PRICKLE1: variants seen among roughly 807,000 people sequenced by gnomAD.
PRICKLE1 encodes prickle planar cell polarity protein 1, also known as prickle-like protein 1.
In PRICKLE1, 14 loss-of-function variants were observed where a neutral mutation model predicts 70.2. The ratio of observed to expected loss-of-function variants is 0.20; its 90% CI spans 0.13 to 0.31. PRICKLE1 has a LOEUF of 0.31. PRICKLE1 is among the 10% of genes least tolerant of loss of function. The pLI is 1.00. For synonymous variants in PRICKLE1, 357 were observed against 379.9 expected (o/e 0.94, Z 0.70); for missense variants, 821 against 1,026.2 (o/e 0.80, Z 2.73).
At chr12:42,552,927 G>A (rs1043822828) in intron 1 of PRICKLE1, among the ~76,000 whole-genome samples, 2 of 152,254 alleles carry the variant, frequency 1.3e-5, no homozygotes, top group East Asian at 1.9e-4. Flanking sequence ...CCTCTCCTGC[G>A]CGGTTCACAA....
chr12:42,522,805 A>T (rs1414496542), intron 1 of PRICKLE1, among the ~76,000 whole-genome samples: 2 of 152,206 alleles, frequency 1.3e-5, no homozygotes, highest in African/African-American at 4.8e-5. Context: ...AAGTGGATAT[A>T]TTACATAAAT....
chr12:42,575,697 A>C (rs1940793711), intron 1 of PRICKLE1, among the ~76,000 whole-genome samples: 1 of 152,120 alleles, frequency 6.6e-6, no homozygotes, highest in South Asian at 2.1e-4. Flanking sequence ...CCATCTCAAA[A>C]AAAAATAAAA....
At chr12:42,548,331 G>A (rs531841730) in intron 1 of PRICKLE1, among the ~76,000 whole-genome samples, 2 of 152,264 alleles carry the variant, frequency 1.3e-5, no homozygotes, top group Admixed American at 6.5e-5. Context: ...AATTAGGGAT[G>A]CTCAACCTGT....
At chr12:42,585,481 C>A (rs964556468) in intron 1 of PRICKLE1, among the ~76,000 whole-genome samples, 1 of 152,052 alleles carries the variant, frequency 6.6e-6, no homozygotes, top group Non-Finnish European at 1.5e-5. Context: ...CCCTCCCCAC[C>A]CCCCACAACT....
rs1939538663 is a variant in PRICKLE1, at chr12:42,512,794, A to G, written c.-48-40230T>C. ...TGCCTCAGCCTCCCAAGCAGCTGGC[A>G]TTACAGGCATGTGCCACCACGTTCG... is the stretch of plus-strand genomic sequence containing the variant. On this transcript the variant is annotated intron_variant, in intron 1 of 7. Coordinates refer to ENST00000345127, the MANE Select transcript of PRICKLE1 (RefSeq NM_153026.3). 2.0e-5 allele frequency among the ~76,000 whole-genome samples: 3 copies of G among 151,846 alleles called. 1 individual carries two copies. Among genetic ancestry groups the G allele is most frequent in the Non-Finnish European group, 4.4e-5 (3 of 68,012 alleles).
intron 1 of PRICKLE1, among the ~76,000 whole-genome samples, chr12:42,528,741 TCA>T (rs1301067062): frequency 6.6e-6 from 1 of 152,142 alleles, no homozygotes; most frequent in East Asian, 1.9e-4. Flanking sequence ...CTGGATATCC[TCA>T]CAGTCAATGC....
At chr12:42,522,732 G>A (rs1234363228) in intron 1 of PRICKLE1, among the ~76,000 whole-genome samples, 2 of 152,046 alleles carry the variant, frequency 1.3e-5, no homozygotes, top group African/African-American at 4.8e-5. Flanking sequence ...GCTAGACAAA[G>A]TTTTGTTTTT....
chr12:42,493,207 A>G (rs1392595248), intron 1 of PRICKLE1, among the ~76,000 whole-genome samples: 3 of 152,192 alleles, frequency 2.0e-5, no homozygotes, highest in African/African-American at 7.2e-5. Flanking sequence ...TACATTTAAA[A>G]ATAACTAAAA....
In PRICKLE1 at chr12:42,477,228, C is replaced by T. The variant is rs141492511; in HGVS notation, c.-48-4664G>A. Among the ~76,000 whole-genome samples the T allele has an allele frequency of 5.9e-3, 887 of 151,614 alleles. 10 individuals are homozygous for T. Among genetic ancestry groups the T allele is most frequent in the African/African-American group, 0.021 (849 of 41,384 alleles). On this transcript the variant is annotated intron_variant, in intron 1 of 7. Coordinates refer to ENST00000345127, the MANE Select transcript of PRICKLE1 (RefSeq NM_153026.3). ...TCTCTACTAAAAATACAAAATTATC[C>T]AGGTGTGGTGGTGCACACCTGTAAT... is the stretch of plus-strand genomic sequence containing the variant.
intron 1 of PRICKLE1, among the ~76,000 whole-genome samples, chr12:42,556,772 A>C (rs1482351455): frequency 6.6e-6 from 1 of 152,214 alleles, no homozygotes; most frequent in Non-Finnish European, 1.5e-5. Context: ...GATGGGGTGC[A>C]AAGAAGGATT....
chr12:42,517,344 G>T (rs1939628444), intron 1 of PRICKLE1, among the ~76,000 whole-genome samples: 1 of 101,150 alleles, frequency 9.9e-6, no homozygotes, highest in East Asian at 3.5e-4. Flanking sequence ...ACAGAGTCTT[G>T]CTCTGTAGCC....
At chr12:42,506,262 T>TC (rs1463108573) in intron 1 of PRICKLE1, among the ~76,000 whole-genome samples, 18 of 146,126 alleles carry the variant, frequency 1.2e-4, no homozygotes, top group East Asian at 4.0e-4. Flanking sequence ...TTTCTTTCTT[T>TC]TTTTTTTTTT....
At chr12:42,578,241 CA>C (rs1940834213) in intron 1 of PRICKLE1, among the ~76,000 whole-genome samples, 1 of 152,178 alleles carries the variant, frequency 6.6e-6, no homozygotes, top group Non-Finnish European at 1.5e-5. Context: ...GGTTTCCTAG[CA>C]AGCTGGTTGA....
intron 1 of PRICKLE1, among the ~76,000 whole-genome samples, chr12:42,542,819 T>C (rs546483288): frequency 2.0e-5 from 3 of 152,348 alleles, no homozygotes; most frequent in South Asian, 2.1e-4. Context: ...CGTTAACTTC[T>C]AACATATTCT....
intron 1 of PRICKLE1, among the ~76,000 whole-genome samples, chr12:42,504,051 C>G (rs2140185251): frequency 6.6e-6 from 1 of 152,144 alleles, no homozygotes; most frequent in Middle Eastern, 3.4e-3. Flanking sequence ...TTTAGAAGTT[C>G]TAAATGATAC....
intron 1 of PRICKLE1, among the ~76,000 whole-genome samples, chr12:42,528,814 G>A (rs1486621544): frequency 6.6e-6 from 1 of 152,194 alleles, no homozygotes; most frequent in Admixed American, 6.5e-5. Flanking sequence ...TAACATGTAT[G>A]TGTAAGCTAG....
At chr12:42,491,935 C>T (rs990946656) in intron 1 of PRICKLE1, among the ~76,000 whole-genome samples, 9 of 151,806 alleles carry the variant, frequency 5.9e-5, no homozygotes, top group African/African-American at 1.2e-4. Context: ...ATGTGCCCGC[C>T]GCCACGCCCG....
intron 1 of PRICKLE1, among the ~76,000 whole-genome samples, chr12:42,495,806 T>A (rs1939190060): frequency 6.6e-6 from 1 of 152,152 alleles, no homozygotes; most frequent in African/African-American, 2.4e-5. Context: ...TTGCTCAGGC[T>A]GGTCGCAAAC....
intron 1 of PRICKLE1, chr12:42,485,393 C>T (rs1938968383): frequency 6.6e-6 from 1 of 152,016 alleles, no homozygotes; most frequent in South Asian, 2.1e-4. Flanking sequence ...AAATGGATTC[C>T]GGTTTTGAAG....
Sources: gnomAD v4.1 joint callset for allele counts (sites outside exome capture counted in the v4.1 genomes callset) on GRCh38, gnomAD v4.1.1 for gene constraint, MANE v1.5 for transcripts, NCBI Gene and HGNC (gene_info 2026-07-23, HGNC 2026-07-21) for gene names.